ROBO1: variants seen among roughly 807,000 people sequenced by gnomAD.
ROBO1 encodes roundabout guidance receptor 1.
A neutral mutation model predicts 195.9 loss-of-function variants in ROBO1; 149 were observed. The observed-to-expected ratio is 0.76, with a 90% confidence interval of 0.67 to 0.87. The LOEUF is 0.87. ROBO1 is among the 40% of genes least tolerant of loss of function. ROBO1 has a pLI of 0.00. For synonymous variants in ROBO1, 816 were observed against 733.2 expected (o/e 1.11, Z -1.82); for missense variants, 1,933 against 2,068.3 (o/e 0.93, Z 1.27).
chr3:78,805,411 ACATTT>A (rs2084506283), intron 4 of ROBO1, among the ~76,000 whole-genome samples: 1 of 152,144 alleles, frequency 6.6e-6, no homozygotes, highest in African/African-American at 2.4e-5. Context: ...CTTAAAGCTT[ACATTT>A]AATTACTTAT....
chr3:78,996,226 C>T (rs200141529), intron 3 of ROBO1, among the ~76,000 whole-genome samples: 7 of 151,934 alleles, frequency 4.6e-5, no homozygotes, highest in East Asian at 1.9e-4. Flanking sequence ...TGGCTCACAC[C>T]TGTAATCCCA....
chr3:78,681,645 C>T (rs1020758222), intron 10 of ROBO1, among the ~76,000 whole-genome samples: 1 of 152,178 alleles, frequency 6.6e-6, no homozygotes, highest in Non-Finnish European at 1.5e-5. Flanking sequence ...TGGCTCACGC[C>T]TGTAATCCCA....
At chr3:78,609,946 G>T (rs1239999350) in intron 28 of ROBO1, among the ~76,000 whole-genome samples, 1 of 152,062 alleles carries the variant, frequency 6.6e-6, no homozygotes, top group African/African-American at 2.4e-5. Context: ...TAAGGTGTTA[G>T]AATTCATTGT....
At chr3:79,551,988 A>C (rs939660597) in intron 2 of ROBO1, among the ~76,000 whole-genome samples, 1 of 127,686 alleles carries the variant, frequency 7.8e-6, no homozygotes, top group Non-Finnish European at 1.8e-5. Flanking sequence ...GTTAAAAAAA[A>C]AAAAAAAAAA....
intron 2 of ROBO1, among the ~76,000 whole-genome samples, chr3:79,273,903 CTG>C (rs1414402979): frequency 6.6e-6 from 1 of 151,828 alleles, no homozygotes; most frequent in Non-Finnish European, 1.5e-5. Flanking sequence ...GTTCAAAAAA[CTG>C]TAAGAGACAA....
intron 22 of ROBO1, among the ~76,000 whole-genome samples, chr3:78,636,342 C>G (rs1456935947): frequency 1.3e-5 from 2 of 152,030 alleles, no homozygotes; most frequent in Non-Finnish European, 2.9e-5. Context: ...ATTTGAATTT[C>G]TGATAGTGCT....
intron 2 of ROBO1, among the ~76,000 whole-genome samples, chr3:79,491,092 G>A (rs1939428643): frequency 6.6e-6 from 1 of 151,990 alleles, no homozygotes; most frequent in Non-Finnish European, 1.5e-5. Context: ...TTGTGCAGGA[G>A]CCTTTTGTTA....
intron 2 of ROBO1, among the ~76,000 whole-genome samples, chr3:79,364,208 CA>C (rs1375167585): frequency 1.0e-4 from 15 of 147,026 alleles, no homozygotes; most frequent in African/African-American, 3.6e-4. Context: ...CCGTCAAAAA[CA>C]AAACGAAACT....
Position 79,651,922 on chromosome 3 carries a change from T to G in ROBO1, c.-50-61961A>C, listed in dbSNP as rs1199020221. ...ATTTTTTCTCTTACTGCATTTTGAT[T>G]GAAATCTAGGTCACAGTACAGTTCA... On this transcript the variant is annotated intron_variant, in intron 1 of 30. Coordinates refer to ENST00000464233, the MANE Select transcript of ROBO1 (RefSeq NM_002941.4). 2.0e-5 allele frequency among the ~76,000 whole-genome samples: 3 copies of G among 152,272 alleles called. No homozygotes were observed. The East Asian group carries it at 5.8e-4, about 30-fold the overall frequency.
intron 5 of ROBO1, among the ~76,000 whole-genome samples, chr3:78,741,274 A>G (rs1000920928): frequency 1.3e-5 from 2 of 152,218 alleles, no homozygotes; most frequent in Admixed American, 1.3e-4. Context: ...AATACAAAGT[A>G]TGAGAAATTG....
intron 2 of ROBO1, among the ~76,000 whole-genome samples, chr3:79,138,012 T>C (rs557497741): frequency 2.0e-5 from 3 of 152,194 alleles, no homozygotes; most frequent in South Asian, 2.1e-4. Flanking sequence ...GTCAGTTGTA[T>C]TGAAGCAAGA....
At chr3:79,303,376 G>A (rs956581661) in intron 2 of ROBO1, among the ~76,000 whole-genome samples, 5 of 152,024 alleles carry the variant, frequency 3.3e-5, no homozygotes, top group African/African-American at 1.2e-4. Context: ...ACGTTGGCCA[G>A]GCTGCTCTCG....
chr3:78,674,359 T>C (rs1174347312), intron 10 of ROBO1, among the ~76,000 whole-genome samples: 2 of 152,234 alleles, frequency 1.3e-5, no homozygotes, highest in African/African-American at 4.8e-5. Flanking sequence ...AGACGAATAG[T>C]ATCCCCAAAG....
At chr3:79,563,781 TA>T (rs1943002726) in intron 2 of ROBO1, among the ~76,000 whole-genome samples, 1 of 152,042 alleles carries the variant, frequency 6.6e-6, no homozygotes, top group Non-Finnish European at 1.5e-5. Context: ...AGATGTGAGG[TA>T]AATCTATTTA....
chr3:78,722,472 C>T (rs2108118194), intron 5 of ROBO1, among the ~76,000 whole-genome samples: 2 of 152,200 alleles, frequency 1.3e-5, no homozygotes, highest in Middle Eastern at 6.8e-3. Context: ...CATATCAATG[C>T]AGCAATATAA....
At chr3:79,330,454 G>A (rs190193185) in intron 2 of ROBO1, among the ~76,000 whole-genome samples, 21 of 151,096 alleles carry the variant, frequency 1.4e-4, no homozygotes, top group African/African-American at 4.4e-4. Context: ...TTTACAAATG[G>A]TTGACAGAAG....
chr3:79,185,055 G>T (rs1188398246), intron 2 of ROBO1, among the ~76,000 whole-genome samples: 3 of 152,114 alleles, frequency 2.0e-5, no homozygotes, highest in Non-Finnish European at 4.4e-5. Flanking sequence ...TGTAGAATGT[G>T]GTTGATGACT....
intron 2 of ROBO1, among the ~76,000 whole-genome samples, chr3:79,320,787 G>A (rs2033946941): frequency 6.6e-6 from 1 of 152,062 alleles, no homozygotes; most frequent in East Asian, 1.9e-4. Context: ...ATCTCAGAGT[G>A]GATGTAAACA....
intron 2 of ROBO1, among the ~76,000 whole-genome samples, chr3:79,410,488 C>G (rs114003385): frequency 6.6e-6 from 1 of 151,936 alleles, no homozygotes; most frequent in South Asian, 2.1e-4. Flanking sequence ...AGGGAAAATA[C>G]GGTCAGTAAG....
Sources: gnomAD v4.1 joint callset for allele counts (sites outside exome capture counted in the v4.1 genomes callset) on GRCh38, gnomAD v4.1.1 for gene constraint, MANE v1.5 for transcripts, NCBI Gene and HGNC (gene_info 2026-07-23, HGNC 2026-07-21) for gene names.